The following CASP4 variants were observed in gnomAD, a reference collection of about 807,000 sequenced individuals.
CASP4 encodes the protein caspase-4.
Under a neutral mutation model 41.3 loss-of-function variants are expected in CASP4, and 29 were observed. That is an observed-to-expected ratio of 0.70 (90% CI 0.52 to 0.96). CASP4 has a LOEUF of 0.96. Among genes scored for constraint, CASP4 ranks in the 40% least tolerant of loss-of-function variants. The pLI, the probability that CASP4 is intolerant of heterozygous loss-of-function variation, is 0.00. For missense variants in CASP4, 447 were observed against 460.6 expected (o/e 0.97, Z 0.27); for synonymous variants, 185 against 158.4 (o/e 1.17, Z -1.26).
chr11:104,944,551 T>C, intron 8 of CASP4, 197 bp downstream of exon 8: 1 of 515,160 alleles, frequency 1.9e-6, no homozygotes, highest in South Asian at 2.6e-5. Flanking sequence ...GATTGATTGA[T>C]TGCCTGATTA....
At chr11:104,963,655 G>T (rs562942939) in intron 1 of CASP4, among the ~76,000 whole-genome samples, 72 of 152,312 alleles carry the variant, frequency 4.7e-4, no homozygotes, top group African/African-American at 1.7e-3. Flanking sequence ...GGGCCACCTG[G>T]AAGATACGGA....
rs11539160 is a variant in CASP4 at position 104,954,965 on chromosome 11, T to G, written c.44A>C (p.Glu15Ala). The G allele has an allele frequency of 1.2e-6, 2 of 1,613,526 alleles. No individual in the cohort carries two copies. The highest frequency in any genetic ancestry group is 3.3e-5 in the Admixed American group (2 of 59,912). ...NHRKKPLKVL[E>A]SLGKDFLTGV... ...AGTGAGGAAATCTTTGCCCAGGGAT[T>G]CCAACACCTTAAGTGGCTTTTTTCT... Residue 15 changes from glutamate (E) to alanine (A), a missense_variant, in exon 2 of 9, where the codon GAA (glutamate) becomes GCA (alanine). Physicochemically the swap from Glu to Ala is moderately radical, Grantham distance 107. Transcript: ENST00000444739.
intron 3 of CASP4, 134 bp from the exon 4 acceptor site, chr11:104,951,232 TTCTC>T (rs1235964840): frequency 6.4e-5 from 44 of 686,036 alleles, no homozygotes; most frequent in South Asian, 2.4e-5. Flanking sequence ...GACACTGACT[TTCTC>T]TCTCTCAAGA....
intron 2 of CASP4, 70 bp downstream of exon 2, chr11:104,954,677 C>G: frequency 7.2e-7 from 1 of 1,380,948 alleles, no homozygotes; most frequent in Non-Finnish European, 1.0e-6. Flanking sequence ...ACAGAAGACA[C>G]TGCTTAGGCC....
At position 104,968,569 on chromosome 11, in the gene CASP4, C is replaced by T. The variant is rs1861027244; in HGVS notation, c.-44G>A. 1 of 1,608,386 alleles carries T rather than the reference C, an allele frequency of 6.2e-7. No individual in the cohort carries two copies. The highest frequency in any genetic ancestry group is 1.1e-5 in the South Asian group (1 of 90,900). ...TTTTTTACAGCGTTGGAAAGAGCCTCAGAGTCAAAAATGAAAGTAAACTAT... is the reference window on the plus strand; with the variant it reads ...TTTTTTACAGCGTTGGAAAGAGCCTTAGAGTCAAAAATGAAAGTAAACTAT... On this transcript the variant is annotated 5_prime_UTR_variant, in exon 1 of 9. Coordinates refer to ENST00000444739, the MANE Select transcript of CASP4 (RefSeq NM_001225.4).
intron 1 of CASP4, among the ~76,000 whole-genome samples, chr11:104,964,582 G>C (rs560549664): frequency 2.0e-5 from 3 of 152,258 alleles, no homozygotes; most frequent in South Asian, 4.2e-4. Flanking sequence ...TTTTACCAAG[G>C]CTTTGACTGG....
rs149160223 is a variant in CASP4 at position 104,965,608 on chromosome 11, C to T, written c.7+2911G>A. 3.1e-3 allele frequency among the ~76,000 whole-genome samples: 473 copies of T among 152,252 alleles called. 3 individuals carry two copies. The highest frequency in any genetic ancestry group is 0.011 in the African/African-American group (455 of 41,554). On this transcript the variant is annotated intron_variant, in intron 1 of 8. Coordinates refer to ENST00000444739, the MANE Select transcript of CASP4 (RefSeq NM_001225.4). ...TTCTTATTCATTCCTGGGCATAGGC[C>T]GAACTGACTTTGGGAAGGAATTCAG...
chr11:104,955,516 A>G (rs898301656), intron 1 of CASP4, among the ~76,000 whole-genome samples: 1 of 152,106 alleles, frequency 6.6e-6, no homozygotes, highest in African/African-American at 2.4e-5. Flanking sequence ...CTATACCCAC[A>G]TCTTTGTATT....
chr11:104,954,759 G>T lies in CASP4; in HGVS notation c.250C>A (p.Pro84Thr), dbSNP rs1860694624. ...AATCCAGTCTTACCTTTTTTATTGG[G>T]GGATATTTGGTCTATGTTAAAAAAG... ...QTFFNIDQISPNKKAHPNMEA... is the reference protein window; with the variant it reads ...QTFFNIDQISTNKKAHPNMEA... The change falls in exon 2 of 9, where the codon CCC becomes ACC. Residue 84 changes from proline to threonine, a missense_variant. Physicochemically the swap from Pro to Thr is conservative, Grantham distance 38 (BLOSUM62 -1). Transcript: ENST00000444739. 4 of 1,611,088 alleles carry T rather than the reference G, an allele frequency of 2.5e-6. No individual in the cohort carries two copies. Among genetic ancestry groups the T allele is most frequent in the African/African-American group, 2.7e-5 (2 of 74,604 alleles).
chr11:104,964,651 G>A (rs1310699284), intron 1 of CASP4, among the ~76,000 whole-genome samples: 2 of 151,834 alleles, frequency 1.3e-5, no homozygotes, highest in Non-Finnish European at 2.9e-5. Context: ...AAAGCCCCTT[G>A]GGGAATCTGG....
intron 3 of CASP4, chr11:104,951,413 T>G (rs1228230913): frequency 3.9e-6 from 1 of 257,862 alleles, no homozygotes; most frequent in South Asian, 7.4e-5. Flanking sequence ...TGTCGTTGAC[T>G]CCAGTGAAAA....
intron 2 of CASP4, among the ~76,000 whole-genome samples, chr11:104,953,427 A>C (rs998790543): frequency 2.0e-5 from 3 of 152,192 alleles, no homozygotes; most frequent in Admixed American, 6.6e-5. Flanking sequence ...TATTACTTCT[A>C]TTCTAATTCC....
chr11:104,966,979 T>G lies in CASP4; in HGVS notation c.7+1540A>C, dbSNP rs1260163152. ...ATATGGTAAGTATTTTTTAAAGAAA[T>G]GGTTACTATAGATTATTTTTTGTTA... On this transcript the variant is annotated intron_variant, in intron 1 of 8. Coordinates refer to ENST00000444739, the MANE Select transcript of CASP4 (RefSeq NM_001225.4). Among the ~76,000 whole-genome samples, 3 of 152,160 alleles carry G rather than the reference T, an allele frequency of 2.0e-5. No homozygotes were observed. The South Asian group carries it at 6.2e-4, about 32-fold the overall frequency.
intron 3 of CASP4, chr11:104,951,347 C>T (rs755631020): frequency 2.3e-5 from 8 of 340,564 alleles, no homozygotes; most frequent in African/African-American, 4.3e-5. Flanking sequence ...TCTTCACCTA[C>T]TCCAATCTTT....
In CASP4 at chr11:104,944,809, G is replaced by T; in HGVS notation, c.1078C>A (p.Pro360Thr). 1 of 1,613,554 alleles carries T rather than the reference G, an allele frequency of 6.2e-7. No individual in the cohort carries two copies. ...FETPRAKAQM[P>T]TIERLSMTRY... The stretch of plus-strand genomic sequence containing the variant: ...GTCATGGACAGTCGTTCTATGGTGG[G>T]CATTTGAGCTTTGGCCCTTGGAGTT... Residue 360 changes from proline to threonine, a missense_variant, in exon 8 of 9, where the codon CCC (proline) becomes ACC (threonine). Pro to Thr is a conservative substitution (Grantham distance 38). Transcript: ENST00000444739.
At chr11:104,952,161 T>C (rs1219609254) in intron 2 of CASP4, 156 bp from the exon 3 acceptor site, 1 of 569,706 alleles carries the variant, frequency 1.8e-6, no homozygotes, top group East Asian at 2.8e-5. Context: ...AGGAGATGTA[T>C]TGTTACTGGA....
intron 1 of CASP4, among the ~76,000 whole-genome samples, chr11:104,963,378 C>G (rs368014771): frequency 1.4e-4 from 21 of 152,244 alleles, no homozygotes; most frequent in African/African-American, 5.1e-4. Context: ...AAACAAACAA[C>G]AAGAAACAAA....
In CASP4 at chr11:104,951,906, C is replaced by T; in HGVS notation, c.362G>A (p.Arg121Lys). 1 of 1,606,532 alleles carries T rather than the reference C, an allele frequency of 6.2e-7. No homozygotes were observed. Among genetic ancestry groups the T allele is most frequent in the Non-Finnish European group, 8.5e-7 (1 of 1,173,796 alleles). ...TAGATAGCATAGCACCTCTTCAGCT[C>T]TTTCTTTACATAGTCTCAGGAATTC... ...HEEFLRLCKE[R>K]AEEIYPIKER... is the part of the protein sequence containing the mutation. Residue 121 changes from arginine to lysine, a missense_variant, in exon 3 of 9, where the codon AGA becomes AAA. By Grantham distance (26) the Arg-to-Lys change is conservative. Coordinates refer to ENST00000444739, the MANE Select transcript of CASP4 (RefSeq NM_001225.4).
chr11:104,944,704 C>T lies in CASP4; in HGVS notation c.*5+44G>A, dbSNP rs778684636. On this transcript the variant is annotated intron_variant, in intron 8 of 8. Transcript: ENST00000444739. ...ATTGAACTTAACCACCAATATCACT[C>T]TCTTATTTATTTCACATACCACCAA... 3.2e-6 allele frequency: 4 copies of T among 1,237,442 alleles called. No homozygotes were observed. In the South Asian group the frequency reaches 4.8e-5, roughly 15 times the overall value. 76.7% of individuals were successfully genotyped at this position (1,237,442 alleles called of 1,614,324 possible).
Sources: gnomAD v4.1 joint callset for allele counts (sites outside exome capture counted in the v4.1 genomes callset) on GRCh38, gnomAD v4.1.1 for gene constraint, MANE v1.5 for transcripts, NCBI Gene and HGNC (gene_info 2026-07-23, HGNC 2026-07-21) for gene names.